Variants in TPP2 observed in about 807,000 individuals in gnomAD.
The protein encoded by TPP2 is tripeptidyl-peptidase 2.
TPP2 carries 34 observed loss-of-function variants against 155.9 expected under a neutral mutation model. The ratio of observed to expected loss-of-function variants is 0.22; its 90% CI spans 0.17 to 0.29. The LOEUF is 0.29. TPP2 is among the 10% of genes least tolerant of loss of function. The pLI, the probability that TPP2 is intolerant of heterozygous loss-of-function variation, is 1.00. For missense variants in TPP2, 1,028 were observed against 1,522.3 expected (o/e 0.68, Z 5.40); for synonymous variants, 510 against 529.4 (o/e 0.96, Z 0.50).
chr13:102,676,266 A>T (rs766363017), intron 28 of TPP2, 30 bp from the exon 29 acceptor site: 3 of 1,529,538 alleles, frequency 2.0e-6, no homozygotes, highest in Non-Finnish European at 2.7e-6. Context: ...ATTATTTTAT[A>T]AACAAGCTTT....
chr13:102,648,419 A>T (rs952806555), intron 21 of TPP2, among the ~76,000 whole-genome samples: 18 of 145,380 alleles, frequency 1.2e-4, no homozygotes, highest in Non-Finnish European at 2.4e-4. Flanking sequence ...ACCAGTAGTC[A>T]TAAGTTACAC....
At chr13:102,617,502 GA>G (rs1416384337) in intron 4 of TPP2, among the ~76,000 whole-genome samples, 1 of 152,160 alleles carries the variant, frequency 6.6e-6, no homozygotes, top group East Asian at 1.9e-4. Flanking sequence ...GCCTTTACAT[GA>G]TTGTGATTTG....
chr13:102,645,781 A>T (rs940717852), intron 19 of TPP2, among the ~76,000 whole-genome samples: 1 of 152,242 alleles, frequency 6.6e-6, no homozygotes, highest in Admixed American at 6.5e-5. Flanking sequence ...TTTCTCCTTT[A>T]TAAAATCTGT....
intron 10 of TPP2, 110 bp downstream of exon 10, chr13:102,630,305 C>CT (rs981994534): frequency 5.9e-5 from 43 of 724,160 alleles, no homozygotes; most frequent in Non-Finnish European, 7.1e-5. Flanking sequence ...TTGGTTTTTA[C>CT]TTTTTTTTCA....
At position 102,635,844 on chromosome 13, in the gene TPP2, A is replaced by G. The variant is rs546922283; in HGVS notation, c.1509+142A>G. On this transcript the variant is annotated intron_variant, in intron 12 of 29. Coordinates refer to ENST00000376052, the MANE Select transcript of TPP2 (RefSeq NM_001330588.2). ...TATGGCCATAGAACTACAAGCAAAA[A>G]GGATACACAAACAAATTTTGTAGTT... 4.4e-6 allele frequency: 3 copies of G among 682,522 alleles called. No homozygotes were observed. In the East Asian group the frequency reaches 8.3e-5, roughly 19 times the overall value. The allele number at this position is 682,522 out of a possible 1,614,324, so 42.3% of individuals were successfully genotyped here.
chr13:102,650,867 G>A (rs1883442189), intron 23 of TPP2, among the ~76,000 whole-genome samples: 1 of 152,096 alleles, frequency 6.6e-6, no homozygotes, highest in South Asian at 2.1e-4. Context: ...ACTTAAAGCT[G>A]TTGAGTTCAT....
chr13:102,597,231 C>CG, intron 1 of TPP2, 28 bp downstream of exon 1: 1 of 1,296,578 alleles, frequency 7.7e-7, no homozygotes, highest in Admixed American at 4.0e-5. Flanking sequence ...GGCCCGGGCG[C>CG]GGGGGCGCGG....
At chr13:102,640,139 T>C in intron 15 of TPP2, 131 bp from the exon 16 acceptor site, 2 of 695,490 alleles carry the variant, frequency 2.9e-6, no homozygotes, top group Non-Finnish European at 4.5e-6. Context: ...GTACCTACTG[T>C]TTTGTAACCA....
chr13:102,650,458 G>C (rs960897393), intron 23 of TPP2, among the ~76,000 whole-genome samples: 1 of 152,018 alleles, frequency 6.6e-6, no homozygotes, highest in Non-Finnish European at 1.5e-5. Flanking sequence ...ACATTTCTTG[G>C]GTCTCATTTC....
intron 25 of TPP2, among the ~76,000 whole-genome samples, chr13:102,659,489 C>A (rs973987280): frequency 1.3e-5 from 2 of 152,130 alleles, no homozygotes; most frequent in African/African-American, 2.4e-5. Context: ...TCATCACTTA[C>A]AAGGAAATGC....
intron 27 of TPP2, among the ~76,000 whole-genome samples, chr13:102,670,151 A>G (rs148089375): frequency 7.8e-6 from 1 of 128,424 alleles, no homozygotes; most frequent in East Asian, 2.2e-4. Context: ...AAAAAGCATT[A>G]AAGAATTAGG....
rs1046169261 is a variant in TPP2 at position 102,674,891 on chromosome 13, T to C, written c.3579+401T>C. On this transcript the variant is annotated intron_variant, in intron 28 of 29. Coordinates refer to ENST00000376052, the MANE Select transcript of TPP2 (RefSeq NM_001330588.2). ...AGACATACTGGTTAGTTGTTACTTA[T>C]TTTCCTCAAAACTCTTGAATTTCTC... 5.9e-5 allele frequency among the ~76,000 whole-genome samples: 9 copies of C among 152,344 alleles called. No homozygotes were observed. In the East Asian group the frequency reaches 1.7e-3, roughly 29 times the overall value.
intron 26 of TPP2, 113 bp downstream of exon 26, chr13:102,663,857 T>G: frequency 7.4e-6 from 6 of 805,710 alleles, no homozygotes; most frequent in Non-Finnish European, 1.1e-5. Flanking sequence ...AAACATGTTT[T>G]CTCAAATTGA....
chr13:102,616,446 A>C lies in TPP2; in HGVS notation c.441A>C (p.Ala147=). 6.2e-7 allele frequency: 1 copy of C among 1,612,988 alleles called. No individual in the cohort carries two copies. The highest frequency in any genetic ancestry group is 8.5e-7 in the Non-Finnish European group (1 of 1,179,506). The part of the protein sequence containing the change: ...IWDPVHRVAL[A]EACRKQEEFD... ...ACCCTGTTCACAGAGTGGCCCTTGC[A>C]GAAGCCTGTAGAAAACAGGAAGAAT... Residue 147 remains alanine, a synonymous_variant, in exon 4 of 30, where the codon GCA becomes GCC. Coordinates refer to ENST00000376052, the MANE Select transcript of TPP2 (RefSeq NM_001330588.2).
intron 1 of TPP2, among the ~76,000 whole-genome samples, chr13:102,602,267 C>T (rs922511988): frequency 2.7e-4 from 41 of 152,056 alleles, no homozygotes; most frequent in Non-Finnish European, 7.4e-5. Flanking sequence ...GATTTTCTTA[C>T]ATTTTTCTCT....
At chr13:102,599,833 C>G (rs1879291324) in intron 1 of TPP2, among the ~76,000 whole-genome samples, 1 of 152,094 alleles carries the variant, frequency 6.6e-6, no homozygotes. Context: ...ATTGGGGCAG[C>G]ATTGGCCAGT....
At chr13:102,664,358 G>A (rs1884449677) in intron 26 of TPP2, among the ~76,000 whole-genome samples, 1 of 152,150 alleles carries the variant, frequency 6.6e-6, no homozygotes, top group African/African-American at 2.4e-5. Context: ...TGTTTTTCAT[G>A]ATGGATCAGA....
At chr13:102,638,156 T>G (rs974950774) in intron 14 of TPP2, 83 bp from the exon 15 acceptor site, 19 of 1,289,946 alleles carry the variant, frequency 1.5e-5, no homozygotes, top group Non-Finnish European at 2.1e-5. Context: ...TAGATTGATT[T>G]ATTCTGTCAG....
chr13:102,627,958 A>G, intron 8 of TPP2, 34 bp downstream of exon 8: 1 of 1,546,952 alleles, frequency 6.5e-7, no homozygotes, highest in South Asian at 1.1e-5. Flanking sequence ...TAGCCATAGA[A>G]CCTTAGCCAG....
Sources: allele counts gnomAD v4.1 joint callset (sites outside exome capture counted in the v4.1 genomes callset), GRCh38; gene constraint gnomAD v4.1.1; transcripts MANE v1.5; gene names NCBI Gene and HGNC (gene_info 2026-07-23, HGNC 2026-07-21).